RIMS2: variants seen among roughly 807,000 people sequenced by gnomAD.
RIMS2 encodes the protein regulating synaptic membrane exocytosis 2.
RIMS2 carries 59 observed loss-of-function variants against 174.4 expected under a neutral mutation model. The ratio of observed to expected loss-of-function variants is 0.34; its 90% CI spans 0.27 to 0.42. RIMS2 has a LOEUF of 0.42. Among genes scored for constraint, RIMS2 ranks in the 10% least tolerant of loss-of-function variants. The probability of loss-of-function intolerance (pLI) is 1.00; values close to 1 mark genes in which losing one functional copy is unlikely to be tolerated. For synonymous variants in RIMS2, 606 were observed against 572.5 expected (o/e 1.06, Z -0.84); for missense variants, 1,620 against 1,666.3 (o/e 0.97, Z 0.48).
chr8:103,669,267 T>A (rs375121236), intron 1 of RIMS2, among the ~76,000 whole-genome samples: 14 of 152,288 alleles, frequency 9.2e-5, no homozygotes, highest in African/African-American at 3.4e-4. Flanking sequence ...ACTGCCCCCA[T>A]GATTCAGTTG....
At chr8:103,788,790 G>T (rs2098467914) in intron 3 of RIMS2, among the ~76,000 whole-genome samples, 1 of 152,202 alleles carries the variant, frequency 6.6e-6, no homozygotes, top group Non-Finnish European at 1.5e-5. Context: ...GAGCTGTGGT[G>T]GGCTCCACCC....
intron 19 of RIMS2, among the ~76,000 whole-genome samples, chr8:104,088,519 G>A (rs972328760): frequency 1.1e-4 from 17 of 151,946 alleles, no homozygotes; most frequent in African/African-American, 3.9e-4. Context: ...TGTACTTCTC[G>A]ATAGCATGAG....
At chr8:104,229,211 C>T (rs2099209186) in intron 19 of RIMS2, among the ~76,000 whole-genome samples, 2 of 152,096 alleles carry the variant, frequency 1.3e-5, no homozygotes, top group South Asian at 4.1e-4. Context: ...AACAGCATCC[C>T]ATTTCTTCCA....
intron 1 of RIMS2, among the ~76,000 whole-genome samples, chr8:103,539,388 A>G (rs1164725929): frequency 6.6e-6 from 1 of 152,234 alleles, no homozygotes; most frequent in Non-Finnish European, 1.5e-5. Flanking sequence ...ATAGACAGCT[A>G]TCCATAAACT....
intron 2 of RIMS2, among the ~76,000 whole-genome samples, chr8:103,737,579 G>A (rs1181499412): frequency 1.3e-5 from 2 of 152,060 alleles, no homozygotes; most frequent in Non-Finnish European, 2.9e-5. Flanking sequence ...ATCAGATTGT[G>A]TCATTTTCAT....
chr8:104,153,635 TC>T (rs1392240589), intron 19 of RIMS2, among the ~76,000 whole-genome samples: 1 of 152,004 alleles, frequency 6.6e-6, no homozygotes, highest in Non-Finnish European at 1.5e-5. Context: ...TTAGGAGTAA[TC>T]CGCGGGTAGC....
At position 104,029,871 on chromosome 8, in the gene RIMS2, TAAC is replaced by T. The variant is rs565847531; in HGVS notation, c.3334+15259_3334+15261del. Among the ~76,000 whole-genome samples the T allele has an allele frequency of 1.1e-4, 16 of 152,282 alleles. No homozygotes were observed. In the South Asian group the frequency reaches 2.9e-3, roughly 28 times the overall value. On this transcript the variant is annotated intron_variant, in intron 19 of 23. Transcript: ENST00000504942. Reference sequence around the variant, plus strand: ...AAAATCTTTCTTAATTATTCGTAGATAACAAAAAGTGTAGGTAATTCAGAATCA... The same window carrying T: ...AAAATCTTTCTTAATTATTCGTAGATAAAAAGTGTAGGTAATTCAGAATCA...
At chr8:103,810,809 A>G (rs2098682088) in intron 3 of RIMS2, among the ~76,000 whole-genome samples, 1 of 152,158 alleles carries the variant, frequency 6.6e-6, no homozygotes, top group African/African-American at 2.4e-5. Context: ...CTTTTTTCAT[A>G]GTGTAATGAG....
At chr8:104,172,273 T>C (rs1041905439) in intron 19 of RIMS2, among the ~76,000 whole-genome samples, 1 of 152,126 alleles carries the variant, frequency 6.6e-6, no homozygotes, top group Non-Finnish European at 1.5e-5. Flanking sequence ...AATTTAATTC[T>C]TAATAAATGT....
chr8:103,549,495 A>G (rs2111490), intron 1 of RIMS2, among the ~76,000 whole-genome samples: 83,239 of 151,974 alleles, frequency 0.55, 23,019 homozygotes, highest in Middle Eastern at 0.65. Context: ...AGGAACAACC[A>G]GTACCAGCCA....
intron 10 of RIMS2, among the ~76,000 whole-genome samples, chr8:103,927,264 C>G (rs2078953175): frequency 1.3e-5 from 2 of 151,438 alleles, no homozygotes; most frequent in African/African-American, 4.8e-5. Flanking sequence ...AAGTATGAAT[C>G]AACTAATTAG....
chr8:103,601,963 C>CT (rs2094770629), intron 1 of RIMS2, among the ~76,000 whole-genome samples: 2 of 151,794 alleles, frequency 1.3e-5, no homozygotes, highest in South Asian at 4.2e-4. Flanking sequence ...CATCTTCATG[C>CT]TTTTTTATTT....
At position 104,135,553 on chromosome 8, in the gene RIMS2, T is replaced by C. The variant is rs370801903; in HGVS notation, c.3335-109363T>C. The stretch of plus-strand genomic sequence containing the variant: ...CCCAAGAGGTCAAGGTTACAATGAG[T>C]TGTGATCACGCCAGTGCACTCCAGC... On this transcript the variant is annotated intron_variant, in intron 19 of 23. Transcript: ENST00000504942. Among the ~76,000 whole-genome samples the C allele has an allele frequency of 2.0e-5, 3 of 147,402 alleles. No homozygotes were observed. The South Asian group carries it at 6.4e-4, about 32-fold the overall frequency.
chr8:103,920,508 G>T (rs1349531802), intron 9 of RIMS2, among the ~76,000 whole-genome samples: 1 of 152,072 alleles, frequency 6.6e-6, no homozygotes, highest in Non-Finnish European at 1.5e-5. Context: ...CCCAAGGCTT[G>T]CAGTTTCCCC....
intron 1 of RIMS2, among the ~76,000 whole-genome samples, chr8:103,662,899 A>G (rs1411018736): frequency 1.3e-5 from 2 of 152,184 alleles, no homozygotes; most frequent in African/African-American, 4.8e-5. Flanking sequence ...GGCCAGGCAC[A>G]GTTGCTCACG....
At chr8:103,776,906 T>C (rs975055478) in intron 3 of RIMS2, among the ~76,000 whole-genome samples, 2 of 152,154 alleles carry the variant, frequency 1.3e-5, no homozygotes, top group Non-Finnish European at 2.9e-5. Flanking sequence ...AAGTTGTGTG[T>C]GCACATGTGT....
At chr8:103,543,276 CA>C (rs1229217155) in intron 1 of RIMS2, among the ~76,000 whole-genome samples, 2 of 151,866 alleles carry the variant, frequency 1.3e-5, no homozygotes, top group African/African-American at 4.8e-5. Flanking sequence ...ACAATAGCTA[CA>C]AAAAATATCT....
intron 13 of RIMS2, among the ~76,000 whole-genome samples, chr8:103,940,200 A>G (rs1211906414): frequency 6.6e-6 from 1 of 152,176 alleles, no homozygotes; most frequent in Non-Finnish European, 1.5e-5. Context: ...AAGAGTTTTA[A>G]CAGACTTACA....
At chr8:103,825,305 ATGT>A (rs950536067) in intron 3 of RIMS2, among the ~76,000 whole-genome samples, 1 of 151,732 alleles carries the variant, frequency 6.6e-6, no homozygotes, top group African/African-American at 2.4e-5. Context: ...TTATTTTTTG[ATGT>A]TGTCTCTCTC....
Sources: gnomAD v4.1 joint callset for allele counts (sites outside exome capture counted in the v4.1 genomes callset) on GRCh38, gnomAD v4.1.1 for gene constraint, MANE v1.5 for transcripts, NCBI Gene and HGNC (gene_info 2026-07-23, HGNC 2026-07-21) for gene names.